CXXC5: variants seen among roughly 807,000 people sequenced by gnomAD.
CXXC5 encodes CXXC finger protein 5, also known as CXXC-type zinc finger protein 5.
A neutral mutation model predicts 17.6 loss-of-function variants in CXXC5; 2 were observed. The ratio of observed to expected loss-of-function variants is 0.11; its 90% confidence interval spans 0.05 to 0.36. The LOEUF is 0.36. Ranked by LOEUF, CXXC5 falls within the 10% of genes least tolerant of loss-of-function variation. CXXC5 has a pLI of 1.00. For synonymous variants in CXXC5, 171 were observed against 193.0 expected, an observed-to-expected ratio of 0.89 and a Z score of 0.94; for missense variants, 343 against 458.3, an observed-to-expected ratio of 0.75 and a Z score of 2.30.
At chr5:139,675,977 G>C (rs1011853324) in intron 1 of CXXC5, among the ~76,000 whole-genome samples, 6 of 151,326 alleles carry the variant, frequency 4.0e-5, no homozygotes, top group African/African-American at 1.5e-4. Flanking sequence ...GCACGGGGTG[G>C]CCTCCACTGC....
rs1757379618 is a variant in CXXC5, at chr5:139,683,567, A to G, written c.*660A>G. 1 of 152,386 alleles carries G rather than the reference A, an allele frequency of 6.6e-6. No homozygotes were observed. The highest frequency in any genetic ancestry group is 2.4e-5 in the African/African-American group (1 of 41,460). 9.4% of individuals were successfully genotyped at this position (152,386 alleles called of 1,614,324 possible). On this transcript the variant is annotated 3_prime_UTR_variant, in exon 3 of 3. Transcript: ENST00000302517. ...CCCGAGACTGGGATCCCCCACCCCA[A>G]CAGTGATTTTGGAAAAAAAAATGAA...
At chr5:139,678,550 T>C (rs1756991752) in intron 1 of CXXC5, among the ~76,000 whole-genome samples, 1 of 152,186 alleles carries the variant, frequency 6.6e-6, no homozygotes, top group African/African-American at 2.4e-5. Context: ...TGATGGCGGC[T>C]ACTCGCCTCA....
chr5:139,666,563 G>C (rs1361431120), intron 1 of CXXC5, among the ~76,000 whole-genome samples: 1 of 152,218 alleles, frequency 6.6e-6, no homozygotes, highest in African/African-American at 2.4e-5. Flanking sequence ...GGCCAGGCCT[G>C]GGACAGGTCA....
intron 1 of CXXC5, among the ~76,000 whole-genome samples, chr5:139,651,376 G>A (rs1391467988): frequency 2.7e-5 from 4 of 148,272 alleles, no homozygotes; most frequent in Middle Eastern, 7.0e-3. Context: ...ACCCAGCTGG[G>A]CTAGGCTGGG....
chr5:139,652,406 C>G (rs975214388), intron 1 of CXXC5, among the ~76,000 whole-genome samples: 3 of 151,964 alleles, frequency 2.0e-5, no homozygotes, highest in African/African-American at 7.3e-5. Context: ...TGGATTCGAG[C>G]AATGAGAAAG....
Position 139,682,853 on chromosome 5 carries a change from C to A in CXXC5, c.925-10C>A, listed in dbSNP as rs773041071. On this transcript the variant is annotated splice_polypyrimidine_tract_variant and intron_variant, in intron 2 of 2. Transcript: ENST00000302517. ...ACTCTCTCCTTGTTTTTGTCTCCCGCCCCCGCCAGAAGGTGATGCTTCCGA... is the reference window on the plus strand; with the variant it reads ...ACTCTCTCCTTGTTTTTGTCTCCCGACCCCGCCAGAAGGTGATGCTTCCGA... 1 of 1,591,058 alleles carries A rather than the reference C, an allele frequency of 6.3e-7. No homozygotes were observed. The highest frequency in any genetic ancestry group is 8.6e-7 in the Non-Finnish European group (1 of 1,168,348).
rs528724719 is a variant in CXXC5, at chr5:139,681,091, C to T, written c.568C>T (p.Leu190=). The part of the protein sequence containing the change: ...LPLMSEAGAG[L]PDMEAVAGAE... Reference sequence around the variant, plus strand: ...GCTGATGAGCGAGGCGGGTGCTGGCCTGCCTGACATGGAGGCTGTGGCAGG... The same window carrying T: ...GCTGATGAGCGAGGCGGGTGCTGGCTTGCCTGACATGGAGGCTGTGGCAGG... Residue 190 remains leucine (L), a synonymous_variant, in exon 2 of 3, where the codon CTG becomes TTG. Coordinates refer to ENST00000302517, the MANE Select transcript of CXXC5 (RefSeq NM_016463.9). The T allele has an allele frequency of 6.2e-7, 1 of 1,612,830 alleles. No individual in the cohort carries two copies. The highest frequency in any genetic ancestry group is 1.7e-5 in the Admixed American group (1 of 60,020).
rs1362312584 is a variant in CXXC5 at position 139,661,288 on chromosome 5, C to A, written c.-161+12443C>A. ...ACGTGAGTCACCCCATCCCCAGCAG[C>A]CCCGAGAGGCCCTGCGGCCTGGCAG... On this transcript the variant is annotated intron_variant, in intron 1 of 2. Coordinates refer to ENST00000302517, the MANE Select transcript of CXXC5 (RefSeq NM_016463.9). This position sits in a 1 kb window ranked among gnomAD's most constrained non-coding sequence, Gnocchi z 4.7. Among the ~76,000 whole-genome samples, 1 of 152,194 alleles carries A rather than the reference C, an allele frequency of 6.6e-6. No individual in the cohort carries two copies. The highest frequency in any genetic ancestry group is 6.5e-5 in the Admixed American group (1 of 15,286).
intron 1 of CXXC5, among the ~76,000 whole-genome samples, chr5:139,660,288 G>A (rs1319576091): frequency 6.6e-6 from 1 of 152,218 alleles, no homozygotes; most frequent in African/African-American, 2.4e-5. Context: ...CAGGAATCCG[G>A]GTTGTGCCCG....
chr5:139,682,729 C>T, intron 2 of CXXC5, 134 bp from the exon 3 acceptor site: 1 of 897,370 alleles, frequency 1.1e-6, no homozygotes, highest in Non-Finnish European at 1.6e-6. Flanking sequence ...GTGGCAGGAG[C>T]TCCGAGGGGT....
chr5:139,672,775 A>G (rs1311635892), intron 1 of CXXC5, among the ~76,000 whole-genome samples: 1 of 152,170 alleles, frequency 6.6e-6, no homozygotes, highest in Non-Finnish European at 1.5e-5. Flanking sequence ...ACTGAGGCTT[A>G]GTGGCGGAAA....
intron 1 of CXXC5, among the ~76,000 whole-genome samples, chr5:139,669,581 C>T (rs1263125170): frequency 3.9e-5 from 6 of 152,140 alleles, no homozygotes; most frequent in Non-Finnish European, 7.4e-5. Context: ...GGGGAGTGAT[C>T]GGTGCCCACA....
At position 139,680,647 on chromosome 5, in the gene CXXC5, G is replaced by A; in HGVS notation, c.124G>A (p.Ala42Thr). 4 of 1,611,926 alleles carry A rather than the reference G, an allele frequency of 2.5e-6. No homozygotes were observed. ...AGAADKSAVV[A>T]AAAPASVADD... ...AGCAGCAGACAAGAGTGCAGTGGTG[G>A]CTGCCGCCGCACCAGCCTCAGTGGC... The change falls in exon 2 of 3, where the codon GCT becomes ACT. Residue 42 changes from alanine (A) to threonine (T), a missense_variant. Transcript: ENST00000302517.
At position 139,677,908 on chromosome 5, in the gene CXXC5, G is replaced by A. The variant is rs576692319; in HGVS notation, c.-160-2456G>A. Among the ~76,000 whole-genome samples, 145 of 152,356 alleles carry A rather than the reference G, an allele frequency of 9.5e-4. 1 individual carries two copies. The highest frequency in any genetic ancestry group is 3.2e-3 in the African/African-American group (132 of 41,584). On this transcript the variant is annotated intron_variant, in intron 1 of 2. Transcript: ENST00000302517. ...GACTTCTAATTGACCTGCCCGCCCC[G>A]CACGCAGAGCCAGATCCTGGAGCTG...
At chr5:139,673,764 C>T (rs540389660) in intron 1 of CXXC5, among the ~76,000 whole-genome samples, 150 of 151,718 alleles carry the variant, frequency 9.9e-4, no homozygotes, top group Middle Eastern at 3.4e-3. Context: ...ATTGCTTGAA[C>T]CTGGGAGGCG....
At chr5:139,659,878 C>T (rs2126760529) in intron 1 of CXXC5, among the ~76,000 whole-genome samples, 1 of 152,352 alleles carries the variant, frequency 6.6e-6, no homozygotes, top group Non-Finnish European at 1.5e-5. Flanking sequence ...CCCCCTCCAT[C>T]CCTGGCTGTG....
chr5:139,650,197 C>T (rs1339350556), intron 1 of CXXC5, among the ~76,000 whole-genome samples: 1 of 152,166 alleles, frequency 6.6e-6, no homozygotes, highest in Non-Finnish European at 1.5e-5. Flanking sequence ...CGGAAAGACC[C>T]GCTCCCTGAA....
rs763974365 is a variant in CXXC5 at position 139,681,160 on chromosome 5, G to A, written c.637G>A (p.Ala213Thr). Residue 213 changes from alanine (A) to threonine (T), a missense_variant, in exon 2 of 3, where the codon GCT becomes ACT. Physicochemically the swap from Ala to Thr is moderately conservative, Grantham distance 58. This residue lies in a region of CXXC5 where 297 missense variants were observed against 363.4 expected (regional missense o/e 0.82). Coordinates refer to ENST00000302517, the MANE Select transcript of CXXC5 (RefSeq NM_016463.9). ...NGQSDFPYLGAFPINPGLFIM... is the reference protein window; with the variant it reads ...NGQSDFPYLGTFPINPGLFIM... Reference sequence around the variant, plus strand: ...CCAGTCCGACTTCCCCTACCTGGGCGCTTTCCCCATCAACCCAGGCCTCTT... The same window carrying A: ...CCAGTCCGACTTCCCCTACCTGGGCACTTTCCCCATCAACCCAGGCCTCTT... The A allele has an allele frequency of 1.4e-5, 22 of 1,612,770 alleles. No individual in the cohort carries two copies. The highest frequency in any genetic ancestry group is 1.6e-4 in the Middle Eastern group (1 of 6,084).
At chr5:139,667,333 C>T (rs1055593052) in intron 1 of CXXC5, among the ~76,000 whole-genome samples, 3 of 152,222 alleles carry the variant, frequency 2.0e-5, no homozygotes, top group African/African-American at 7.2e-5. Flanking sequence ...GGGTTCTCTG[C>T]ACAGACTTTT....
Sources: allele counts gnomAD v4.1 joint callset (sites outside exome capture counted in the v4.1 genomes callset), GRCh38; gene constraint gnomAD v4.1.1; regional missense constraint gnomAD v4.1.1; non-coding constraint Gnocchi (gnomAD v3.1); transcripts MANE v1.5; gene names NCBI Gene and HGNC (gene_info 2026-07-23, HGNC 2026-07-21).